The following DOCK2 variants were observed in gnomAD, a reference collection of about 807,000 sequenced individuals.
DOCK2 encodes the protein dedicator of cytokinesis protein 2.
Under a neutral mutation model 248.9 loss-of-function variants are expected in DOCK2, and 87 were observed. The observed-to-expected ratio is 0.35, with a 90% CI of 0.29 to 0.42. The LOEUF (loss-of-function observed/expected upper bound fraction) is 0.42, where lower values mean the gene tolerates loss of function less well. Ranked by LOEUF, DOCK2 falls within the 10% of genes least tolerant of loss-of-function variation. DOCK2 has a pLI of 1.00. For synonymous variants in DOCK2, 805 were observed against 821.6 expected (o/e 0.98, Z 0.35); for missense variants, 1,747 against 2,300.2 (o/e 0.76, Z 4.92).
At chr5:170,032,774 C>A (rs574753258) in intron 34 of DOCK2, among the ~76,000 whole-genome samples, 5 of 152,286 alleles carry the variant, frequency 3.3e-5, no homozygotes, top group Non-Finnish European at 5.9e-5. Flanking sequence ...TTTGAGACGT[C>A]GCCTTCTTGC....
intron 27 of DOCK2, among the ~76,000 whole-genome samples, chr5:169,870,086 A>T (rs1426879874): frequency 6.6e-6 from 1 of 152,190 alleles, no homozygotes; most frequent in Non-Finnish European, 1.5e-5. Context: ...GATGCATGGG[A>T]CATGGGACCT....
chr5:169,665,611 C>T (rs1269345911), intron 2 of DOCK2, among the ~76,000 whole-genome samples: 1 of 152,144 alleles, frequency 6.6e-6, no homozygotes, highest in African/African-American at 2.4e-5. Flanking sequence ...ATCCTGAAAT[C>T]AGTATGTTTT....
intron 15 of DOCK2, 54 bp from the exon 16 acceptor site, chr5:169,711,881 G>A: frequency 2.5e-6 from 4 of 1,602,116 alleles, no homozygotes; most frequent in South Asian, 2.2e-5. Context: ...GGGGGGTGCA[G>A]TGGGGAGGGC....
chr5:169,984,070 A>C (rs1778005195), intron 28 of DOCK2, among the ~76,000 whole-genome samples: 1 of 152,232 alleles, frequency 6.6e-6, no homozygotes, highest in Non-Finnish European at 1.5e-5. Flanking sequence ...TGGAATTCTT[A>C]ATGATTGAAC....
At chr5:170,048,084 T>G (rs1756779059) in intron 40 of DOCK2, among the ~76,000 whole-genome samples, 1 of 152,224 alleles carries the variant, frequency 6.6e-6, no homozygotes, top group East Asian at 1.9e-4. Flanking sequence ...TTTGAAGTGT[T>G]CATTTATTTG....
At chr5:169,788,516 T>C (rs946539194) in intron 25 of DOCK2, among the ~76,000 whole-genome samples, 3 of 152,180 alleles carry the variant, frequency 2.0e-5, no homozygotes, top group African/African-American at 7.2e-5. Flanking sequence ...GAAAAATTTC[T>C]TTAAGAATTT....
intron 1 of DOCK2, among the ~76,000 whole-genome samples, chr5:169,652,560 C>T (rs893162636): frequency 3.3e-5 from 5 of 152,194 alleles, no homozygotes; most frequent in South Asian, 2.1e-4. Flanking sequence ...AAAAACCCTG[C>T]GAGATAGGTA....
chr5:169,906,472 T>C (rs1394802565), intron 27 of DOCK2, among the ~76,000 whole-genome samples: 1 of 151,808 alleles, frequency 6.6e-6, no homozygotes, highest in Non-Finnish European at 1.5e-5. Context: ...TTAAAATTTA[T>C]TTTATTTTGT....
At chr5:169,962,201 T>C (rs1041559064) in intron 27 of DOCK2, among the ~76,000 whole-genome samples, 2 of 151,836 alleles carry the variant, frequency 1.3e-5, no homozygotes, top group African/African-American at 2.4e-5. Flanking sequence ...GGGAGCAAGA[T>C]TGGAGGCAGA....
intron 25 of DOCK2, among the ~76,000 whole-genome samples, chr5:169,772,078 C>T (rs1181148247): frequency 2.0e-5 from 3 of 152,160 alleles, no homozygotes; most frequent in African/African-American, 7.2e-5. Context: ...GGCTGAGTTG[C>T]TATAGCCTAG....
intron 22 of DOCK2, among the ~76,000 whole-genome samples, chr5:169,728,464 CA>C (rs1373621228): frequency 6.6e-6 from 1 of 152,018 alleles, no homozygotes; most frequent in Non-Finnish European, 1.5e-5. Flanking sequence ...GGATTAGGGA[CA>C]TAGGATAACA....
rs1422994078 is a variant in DOCK2, at chr5:170,055,324, C to T, written c.4233C>T (p.Val1411=). 6 of 1,614,080 alleles carry T rather than the reference C, an allele frequency of 3.7e-6. No homozygotes were observed. Among genetic ancestry groups the T allele is most frequent in the Non-Finnish European group, 8.5e-7 (1 of 1,179,922 alleles). Residue 1411 remains valine (V), a synonymous_variant, in exon 42 of 52, where the codon GTC becomes GTT. Transcript: ENST00000520908. The part of the protein sequence containing the change: ...APGQYIQCFT[V]QPVLDEHPRF... ...TTCCAGATATCCAGTGCTTCACTGT[C>T]CAGCCTGTCTTGGATGAACATCCCA...
At position 170,069,157 on chromosome 5, in the gene DOCK2, T is replaced by A; in HGVS notation, c.4665T>A (p.Tyr1555Ter). 1.2e-6 allele frequency: 2 copies of A among 1,614,046 alleles called. No individual in the cohort carries two copies. Among genetic ancestry groups the A allele is most frequent in the Non-Finnish European group, 1.7e-6 (2 of 1,179,948 alleles). Reference protein sequence around the residue: ...KYEKAFFTEEYVRDHPEDQDK... With the variant: ...KYEKAFFTEE Reference sequence around the variant, plus strand: ...CCCAGGCCTTCTTCACTGAAGAGTATGTCAGGGACCACCCTGAGGACCAGG... The same window carrying A: ...CCCAGGCCTTCTTCACTGAAGAGTAAGTCAGGGACCACCCTGAGGACCAGG... Residue 1555 changes from tyrosine (Y) to a stop codon, truncating the protein, a stop_gained, in exon 46 of 52, where the codon TAT becomes TAA. Transcript: ENST00000520908. LOFTEE classifies it high-confidence loss of function.
At chr5:169,861,724 G>A (rs539374534) in intron 27 of DOCK2, among the ~76,000 whole-genome samples, 3 of 152,154 alleles carry the variant, frequency 2.0e-5, no homozygotes, top group South Asian at 4.2e-4. Context: ...ACATAGAGAC[G>A]ACCATTTTTG....
At chr5:170,028,753 A>G (rs1017678614) in intron 34 of DOCK2, among the ~76,000 whole-genome samples, 49 of 151,294 alleles carry the variant, frequency 3.2e-4, no homozygotes, top group African/African-American at 9.1e-4. Flanking sequence ...ACACACACAC[A>G]CACACACACA....
intron 23 of DOCK2, among the ~76,000 whole-genome samples, chr5:169,758,037 A>G (rs1764284668): frequency 6.6e-6 from 1 of 151,626 alleles, no homozygotes; most frequent in South Asian, 2.1e-4. Context: ...CTATCCTACA[A>G]GGATCTTTAC....
chr5:169,824,233 G>A (rs1322471885), intron 26 of DOCK2, among the ~76,000 whole-genome samples: 1 of 152,056 alleles, frequency 6.6e-6, no homozygotes, highest in Non-Finnish European at 1.5e-5. Flanking sequence ...TCCCCATCAA[G>A]CTACCAATGA....
At chr5:169,688,189 G>T (rs903191960) in intron 8 of DOCK2, among the ~76,000 whole-genome samples, 1 of 152,210 alleles carries the variant, frequency 6.6e-6, no homozygotes, top group Non-Finnish European at 1.5e-5. Flanking sequence ...GCCTTGCAAA[G>T]TGCTGGGATT....
chr5:169,891,265 G>C (rs952048061), intron 27 of DOCK2, among the ~76,000 whole-genome samples: 4 of 152,056 alleles, frequency 2.6e-5, no homozygotes, highest in African/African-American at 9.7e-5. Context: ...CCCCTTCCGT[G>C]TCCCTCTGTG....
Sources: allele counts gnomAD v4.1 joint callset (sites outside exome capture counted in the v4.1 genomes callset), GRCh38; gene constraint gnomAD v4.1.1; transcripts MANE v1.5; gene names NCBI Gene and HGNC (gene_info 2026-07-23, HGNC 2026-07-21).